The following SNX29 variants were observed in gnomAD, a reference collection of about 807,000 sequenced individuals.
SNX29 encodes the protein sorting nexin 29, also known as sorting nexin-29.
In SNX29, 78 loss-of-function variants were observed where a neutral mutation model predicts 102.1. The ratio of observed to expected loss-of-function variants is 0.76; its 90% CI spans 0.64 to 0.92. SNX29 has a LOEUF of 0.92. SNX29 is among the 40% of genes least tolerant of loss of function. SNX29 has a pLI of 0.00. For missense variants in SNX29, 1,280 were observed against 1,061.7 expected, an observed-to-expected ratio of 1.21 and a Z score of -2.86; for synonymous variants, 580 against 414.5, an observed-to-expected ratio of 1.40 and a Z score of -4.85.
chr16:12,268,910 A>G (rs1369476939), intron 14 of SNX29, among the ~76,000 whole-genome samples: 1 of 152,118 alleles, frequency 6.6e-6, no homozygotes, highest in African/African-American at 2.4e-5. Flanking sequence ...CACAGTTTCT[A>G]CCTATTTTAG....
intron 18 of SNX29, among the ~76,000 whole-genome samples, chr16:12,406,124 T>TA (rs559094662): frequency 1.5e-4 from 23 of 151,610 alleles, no homozygotes; most frequent in East Asian, 1.2e-3. Flanking sequence ...AAAGAGAGGT[T>TA]AAAAAAAATA....
At chr16:12,462,001 A>G (rs1365690819) in intron 18 of SNX29, among the ~76,000 whole-genome samples, 136 of 71,890 alleles carry the variant, frequency 1.9e-3, no homozygotes, top group African/African-American at 9.6e-3. Flanking sequence ...ATATATATAT[A>G]TATATATATA....
chr16:11,979,250 G>C (rs1271093950), intron 1 of SNX29, among the ~76,000 whole-genome samples: 1 of 115,362 alleles, frequency 8.7e-6, no homozygotes, highest in Non-Finnish European at 1.6e-5. Flanking sequence ...ACTCCAGCCT[G>C]GGCAACAGAG....
chr16:12,545,066 A>G (rs2077526052), intron 20 of SNX29, among the ~76,000 whole-genome samples: 1 of 152,178 alleles, frequency 6.6e-6, no homozygotes, highest in African/African-American at 2.4e-5. Flanking sequence ...TAGCATAGCC[A>G]CGAAATGCAC....
chr16:12,260,216 G>A (rs2078693835), intron 14 of SNX29, among the ~76,000 whole-genome samples: 1 of 152,176 alleles, frequency 6.6e-6, no homozygotes, highest in African/African-American at 2.4e-5. Context: ...TTGGGTTTCA[G>A]GGATGATGAG....
chr16:12,019,581 AAT>A (rs199652904), intron 3 of SNX29, among the ~76,000 whole-genome samples: 1 of 147,670 alleles, frequency 6.8e-6, no homozygotes. Flanking sequence ...TATATATGTA[AAT>A]ATATATATAT....
chr16:12,338,827 G>A (rs1266503660), intron 15 of SNX29, among the ~76,000 whole-genome samples: 1 of 152,200 alleles, frequency 6.6e-6, no homozygotes, highest in Non-Finnish European at 1.5e-5. Flanking sequence ...GGCGCTTGTG[G>A]AATATTTATT....
At position 12,533,609 on chromosome 16, in the gene SNX29, G is replaced by A. The variant is rs374255724; in HGVS notation, c.2318+8768G>A. 7.9e-5 allele frequency among the ~76,000 whole-genome samples: 12 copies of A among 152,198 alleles called. No homozygotes were observed. In the East Asian group the frequency reaches 1.4e-3, roughly 17 times the overall value. On this transcript the variant is annotated intron_variant, in intron 20 of 20. Transcript: ENST00000566228. ...ATTATTTGGAGGGAGGAGACACCCC[G>A]CTACCTGGACTGACACCCCAAATTG...
chr16:12,549,120 G>A (rs1241056755), intron 20 of SNX29, among the ~76,000 whole-genome samples: 1 of 152,324 alleles, frequency 6.6e-6, no homozygotes, highest in Non-Finnish European at 1.5e-5. Flanking sequence ...CATAGCAGAT[G>A]GAAAATTCTG....
Position 12,441,254 on chromosome 16 carries a change from A to AT in SNX29, c.2038-36456dup, listed in dbSNP as rs201260976. ...AGGCGCCTGCCACTGCACCCGGCTG[A>AT]TTTTTTTTTATTTTTGGTAGAGACG... On this transcript the variant is annotated intron_variant, in intron 18 of 20. Coordinates refer to ENST00000566228, the MANE Select transcript of SNX29 (RefSeq NM_032167.5). 6.1e-3 allele frequency among the ~76,000 whole-genome samples: 920 copies of AT among 150,972 alleles called. 7 individuals carry two copies. The highest frequency in any genetic ancestry group is 9.0e-3 in the Non-Finnish European group (608 of 67,702).
intron 11 of SNX29, chr16:12,087,706 G>T: frequency 2.6e-6 from 1 of 381,148 alleles, no homozygotes; most frequent in South Asian, 2.0e-5. Flanking sequence ...GAAGGTACAG[G>T]CATTACTGGT....
At chr16:12,103,424 C>T (rs1596891981) in intron 11 of SNX29, among the ~76,000 whole-genome samples, 1 of 152,164 alleles carries the variant, frequency 6.6e-6, no homozygotes, top group East Asian at 1.9e-4. Context: ...ACAAACCTGA[C>T]AAAATAAGCA....
At chr16:12,157,927 C>T (rs536377265) in intron 13 of SNX29, among the ~76,000 whole-genome samples, 1 of 152,316 alleles carries the variant, frequency 6.6e-6, no homozygotes, top group South Asian at 2.1e-4. Context: ...TGTGAAGGCG[C>T]CGTGATTCCC....
At position 12,385,923 on chromosome 16, in the gene SNX29, G is replaced by C. The variant is rs540861760; in HGVS notation, c.1900-12523G>C. On this transcript the variant is annotated intron_variant, in intron 16 of 20. Transcript: ENST00000566228. ...CAGGCCTCACCAGCTCCTGCACAGT[G>C]GTGGGGGTGAGGACTGAGGGACACA... Among the ~76,000 whole-genome samples, 6 of 152,354 alleles carry C rather than the reference G, an allele frequency of 3.9e-5. No homozygotes were observed. In the South Asian group the frequency reaches 1.2e-3, roughly 32 times the overall value.
intron 18 of SNX29, among the ~76,000 whole-genome samples, chr16:12,464,859 T>G (rs7184853): frequency 0.62 from 93,693 of 151,790 alleles, 30,212 homozygotes; most frequent in African/African-American, 0.81. Flanking sequence ...TATGATTTAC[T>G]TTCCTGCCAA....
At chr16:12,549,625 GCT>G (rs1176510383) in intron 20 of SNX29, among the ~76,000 whole-genome samples, 1 of 152,190 alleles carries the variant, frequency 6.6e-6, no homozygotes, top group Non-Finnish European at 1.5e-5. Context: ...CCCTCCACAC[GCT>G]CTGTAAAGAG....
intron 20 of SNX29, among the ~76,000 whole-genome samples, chr16:12,549,586 C>G (rs1425755493): frequency 2.0e-5 from 3 of 152,166 alleles, no homozygotes; most frequent in Non-Finnish European, 4.4e-5. Flanking sequence ...GCCCTAAGAC[C>G]TGCACCTTTT....
chr16:12,100,622 TGGGGATGTGGAAG>T (rs2052972122), intron 11 of SNX29, among the ~76,000 whole-genome samples: 1 of 150,876 alleles, frequency 6.6e-6, no homozygotes, highest in East Asian at 2.0e-4. Context: ...GAAGAGATCA[TGGGGATGTGGAAG>T]GAAGAGTGTG....
chr16:12,057,579 A>G (rs1205299150), intron 8 of SNX29, among the ~76,000 whole-genome samples: 1 of 152,186 alleles, frequency 6.6e-6, no homozygotes, highest in Non-Finnish European at 1.5e-5. Context: ...CCCTCGATTC[A>G]GGGAAAAGTT....
Sources: gnomAD v4.1 joint callset for allele counts (sites outside exome capture counted in the v4.1 genomes callset) on GRCh38, gnomAD v4.1.1 for gene constraint, MANE v1.5 for transcripts, NCBI Gene and HGNC (gene_info 2026-07-23, HGNC 2026-07-21) for gene names.